GLIS3: variants seen among roughly 807,000 people sequenced by gnomAD.
GLIS3 encodes zinc finger protein GLIS3.
GLIS3 carries 53 observed loss-of-function variants against 78.6 expected under a neutral mutation model. That is an observed-to-expected ratio of 0.67 (90% confidence interval 0.54 to 0.85). GLIS3 has a LOEUF of 0.85. Among genes scored for constraint, GLIS3 ranks in the 40% least tolerant of loss-of-function variants. The pLI is 0.00. For synonymous variants in GLIS3, 684 were observed against 509.9 expected (o/e 1.34, Z -4.60); for missense variants, 1,703 against 1,231.1 (o/e 1.38, Z -5.74).
chr9:4,158,576 T>C (rs1032719042), intron 2 of GLIS3, among the ~76,000 whole-genome samples: 21 of 152,362 alleles, frequency 1.4e-4, no homozygotes, highest in Admixed American at 6.5e-4. Flanking sequence ...TGTCAGACTT[T>C]TCCTCATTTT....
At chr9:4,147,800 T>C (rs1368579351) in intron 2 of GLIS3, among the ~76,000 whole-genome samples, 6 of 135,712 alleles carry the variant, frequency 4.4e-5, no homozygotes, top group African/African-American at 1.6e-4. Context: ...AAAGTTTCAC[T>C]TGCTGAGTTC....
the GLIS3 span, among the ~76,000 whole-genome samples, chr9:4,425,172 T>C: frequency 1.3e-5 from 2 of 152,032 alleles, no homozygotes; most frequent in Admixed American, 6.5e-5. Context: ...ACAGCCCTTA[T>C]TGCCCAACTC....
At chr9:4,167,999 G>A (rs866276218) in intron 2 of GLIS3, among the ~76,000 whole-genome samples, 64 of 152,328 alleles carry the variant, frequency 4.2e-4, no homozygotes, top group African/African-American at 1.5e-3. Flanking sequence ...CACAGGAGGA[G>A]CACCCTGGCC....
intron 4 of GLIS3, among the ~76,000 whole-genome samples, chr9:3,942,615 A>C (rs1370819601): frequency 6.6e-6 from 1 of 152,230 alleles, no homozygotes; most frequent in Non-Finnish European, 1.5e-5. Flanking sequence ...GAGAAATTTG[A>C]TGCATGAATT....
At chr9:4,243,182 T>G (rs74337442) in intron 2 of GLIS3, among the ~76,000 whole-genome samples, 1,710 of 152,248 alleles carry the variant, frequency 0.011, 33 homozygotes, top group African/African-American at 0.038. Flanking sequence ...TCAAACCCAC[T>G]TAATAATTAA....
chr9:4,072,478 T>G (rs1314350276), intron 4 of GLIS3, among the ~76,000 whole-genome samples: 1 of 152,228 alleles, frequency 6.6e-6, no homozygotes, highest in African/African-American at 2.4e-5. Context: ...GCATAACACT[T>G]GGACAGTAAT....
chr9:3,854,856 C>G, intron 9 of GLIS3, among the ~76,000 whole-genome samples: 1 of 152,086 alleles, frequency 6.6e-6, no homozygotes, highest in Admixed American at 6.5e-5. Flanking sequence ...CTTTGATGTT[C>G]TTATCCAAGC....
intron 8 of GLIS3, among the ~76,000 whole-genome samples, chr9:3,870,710 C>T (rs1335845319): frequency 6.6e-6 from 1 of 152,184 alleles, no homozygotes; most frequent in African/African-American, 2.4e-5. Context: ...TCAGTTATCC[C>T]CAACAGGTCC....
chr9:4,048,510 C>A, intron 4 of GLIS3, among the ~76,000 whole-genome samples: 1 of 152,160 alleles, frequency 6.6e-6, no homozygotes, highest in Non-Finnish European at 1.5e-5. Context: ...CTAGCACGGT[C>A]AGAAACAGCT....
At chr9:4,074,886 A>T (rs1480525293) in intron 4 of GLIS3, among the ~76,000 whole-genome samples, 2 of 152,206 alleles carry the variant, frequency 1.3e-5, no homozygotes, top group Non-Finnish European at 2.9e-5. Context: ...ATTCAAGAGG[A>T]TCATCTACCA....
At chr9:4,444,422 C>G in the GLIS3 span, among the ~76,000 whole-genome samples, 8 of 152,226 alleles carry the variant, frequency 5.3e-5, no homozygotes, top group African/African-American at 1.9e-4. Context: ...GCTCAACTAT[C>G]TTTCAGTACA....
intron 2 of GLIS3, among the ~76,000 whole-genome samples, chr9:4,128,995 T>C (rs892536908): frequency 6.6e-6 from 1 of 152,180 alleles, no homozygotes; most frequent in Non-Finnish European, 1.5e-5. Context: ...GCATGAAAAT[T>C]AATGGTGAAC....
At chr9:4,060,656 C>A (rs755202182) in intron 4 of GLIS3, among the ~76,000 whole-genome samples, 3 of 152,196 alleles carry the variant, frequency 2.0e-5, no homozygotes, top group African/African-American at 7.2e-5. Context: ...TGCCTCAGAA[C>A]TCTTGAGGAA....
At chr9:4,375,595 G>T in the GLIS3 span, among the ~76,000 whole-genome samples, 12 of 152,188 alleles carry the variant, frequency 7.9e-5, no homozygotes, top group Non-Finnish European at 1.5e-4. Flanking sequence ...TTTATAATGT[G>T]TAAGGATGTA....
Position 4,210,767 on chromosome 9 carries a change from C to G in GLIS3, c.388+75271G>C, listed in dbSNP as rs149827772. ...GCTGTACGCTTCGATGCAGCTTCAC[C>G]TGCTAGAGCCAGTCTCCTTATGGTC... On this transcript the variant is annotated intron_variant, in intron 2 of 10. Transcript: ENST00000381971. 3.4e-3 allele frequency among the ~76,000 whole-genome samples: 516 copies of G among 152,360 alleles called. 2 individuals are homozygous for G. The highest frequency in any genetic ancestry group is 0.011 in the African/African-American group (471 of 41,586).
the GLIS3 span, among the ~76,000 whole-genome samples, chr9:4,456,866 T>A: frequency 1.3e-5 from 2 of 152,196 alleles, no homozygotes; most frequent in Admixed American, 1.3e-4. Flanking sequence ...GCATGGTTCA[T>A]GGTATCCCAA....
chr9:4,264,265 T>G (rs771400708), intron 2 of GLIS3, among the ~76,000 whole-genome samples: 2 of 152,152 alleles, frequency 1.3e-5, no homozygotes, highest in African/African-American at 4.8e-5. Flanking sequence ...GCAAGTCCCA[T>G]TGGCTCTACC....
intron 4 of GLIS3, among the ~76,000 whole-genome samples, chr9:3,952,950 G>T (rs1490042880): frequency 6.6e-6 from 1 of 152,080 alleles, no homozygotes; most frequent in South Asian, 2.1e-4. Context: ...TCCCTTATGC[G>T]AGTCTTATTT....
chr9:4,285,265 T>A (rs1158084630), intron 2 of GLIS3, among the ~76,000 whole-genome samples: 1 of 152,228 alleles, frequency 6.6e-6, no homozygotes, highest in Non-Finnish European at 1.5e-5. Flanking sequence ...ATCTACAATA[T>A]AACCTCATTA....
Sources: allele counts gnomAD v4.1 joint callset (sites outside exome capture counted in the v4.1 genomes callset), GRCh38; gene constraint gnomAD v4.1.1; transcripts MANE v1.5; gene names NCBI Gene and HGNC (gene_info 2026-07-23, HGNC 2026-07-21).